CABCOCO1: variants seen among roughly 807,000 people sequenced by gnomAD.
CABCOCO1 encodes the protein ciliary associated calcium binding coiled-coil 1, also known as ciliary-associated calcium-binding coiled-coil protein 1.
A neutral mutation model predicts 35.7 loss-of-function variants in CABCOCO1; 28 were observed. The observed-to-expected ratio is 0.78, with a 90% CI of 0.58 to 1.07. CABCOCO1 has a LOEUF of 1.07. CABCOCO1 is among the 50% of genes least tolerant of loss of function. The probability of loss-of-function intolerance (pLI) is 0.00; values close to 1 mark genes in which losing one functional copy is unlikely to be tolerated. For missense variants in CABCOCO1, 326 were observed against 309.2 expected, an observed-to-expected ratio of 1.05 and a Z score of -0.41; for synonymous variants, 95 against 100.1, an observed-to-expected ratio of 0.95 and a Z score of 0.30.
intron 5 of CABCOCO1, among the ~76,000 whole-genome samples, chr10:61,716,880 T>C (rs982567440): frequency 1.5e-5 from 2 of 129,244 alleles, no homozygotes; most frequent in Non-Finnish European, 3.7e-5. Flanking sequence ...ATTTCTGAGA[T>C]TGTTTGGCTT....
chr10:61,752,163 A>G (rs1808589739), intron 5 of CABCOCO1, among the ~76,000 whole-genome samples: 1 of 152,206 alleles, frequency 6.6e-6, no homozygotes, highest in African/African-American at 2.4e-5. Flanking sequence ...AAATAATGAC[A>G]TCTGCCATAT....
chr10:61,680,302 C>A lies in CABCOCO1; in HGVS notation c.165-841C>A, dbSNP rs1839670286. Among the ~76,000 whole-genome samples, 7 of 138,566 alleles carry A rather than the reference C, an allele frequency of 5.1e-5. No homozygotes were observed. The South Asian group carries it at 1.6e-3, about 31-fold the overall frequency. 90.9% of individuals were successfully genotyped at this position (138,566 alleles called of 152,430 possible). On this transcript the variant is annotated intron_variant, in intron 2 of 7. Transcript: ENST00000648843. ...ACTCAGCCTGGCCGATGAAGCAAGG[C>A]CCTGTCTCAAAAAAAATATATATAT...
At chr10:61,753,763 T>C (rs879591348) in intron 5 of CABCOCO1, among the ~76,000 whole-genome samples, 7 of 152,164 alleles carry the variant, frequency 4.6e-5, no homozygotes, top group Non-Finnish European at 8.8e-5. Context: ...CATATCTACC[T>C]CATTATGTCA....
chr10:61,739,829 C>T (rs1047711969), intron 5 of CABCOCO1, among the ~76,000 whole-genome samples: 4 of 152,128 alleles, frequency 2.6e-5, no homozygotes, highest in African/African-American at 9.7e-5. Context: ...GTAGTCCCAG[C>T]TACACGGGAG....
intron 2 of CABCOCO1, among the ~76,000 whole-genome samples, chr10:61,675,915 T>C (rs1375605698): frequency 6.6e-6 from 1 of 152,180 alleles, no homozygotes; most frequent in Non-Finnish European, 1.5e-5. Context: ...AGTTAGAATA[T>C]ACATTCAACA....
At chr10:61,704,425 G>T (rs751899068) in intron 5 of CABCOCO1, among the ~76,000 whole-genome samples, 19 of 152,156 alleles carry the variant, frequency 1.2e-4, no homozygotes, top group Non-Finnish European at 2.4e-4. Context: ...TTGCACTGGT[G>T]ATGCTGGTTG....
At chr10:61,723,354 A>G (rs565551335) in intron 5 of CABCOCO1, among the ~76,000 whole-genome samples, 16 of 152,368 alleles carry the variant, frequency 1.1e-4, no homozygotes, top group Non-Finnish European at 2.2e-4. Flanking sequence ...TATAGTATAC[A>G]TTCCCCAAAT....
chr10:61,700,976 T>C (rs1840442875), intron 5 of CABCOCO1, among the ~76,000 whole-genome samples: 1 of 130,122 alleles, frequency 7.7e-6, no homozygotes, highest in South Asian at 2.5e-4. Context: ...TGTATACATA[T>C]ACATACACAG....
chr10:61,700,943 A>G (rs1181124360), intron 5 of CABCOCO1, among the ~76,000 whole-genome samples: 3 of 63,536 alleles, frequency 4.7e-5, no homozygotes, highest in Non-Finnish European at 8.8e-5. Flanking sequence ...ATACATATAC[A>G]TACATGTATA....
At chr10:61,695,072 C>G (rs1183507868) in intron 5 of CABCOCO1, among the ~76,000 whole-genome samples, 1 of 151,880 alleles carries the variant, frequency 6.6e-6, no homozygotes, top group African/African-American at 2.4e-5. Context: ...AAATAGACCA[C>G]AAGTGCTCCA....
rs751345566 is a variant in CABCOCO1 at position 61,760,117 on chromosome 10, G to C, written c.611G>C (p.Gly204Ala). The change falls in exon 6 of 8, where the codon GGA (glycine) becomes GCA (alanine). Residue 204 changes from glycine to alanine, a missense_variant. Transcript: ENST00000648843. ...CGPFPNPLEE[G>A]ISFDIYSTFI... ...CCTTTCCCAAATCCTCTGGAAGAAG[G>C]AATCTCATTTGATATTTATTCAACA... 3.1e-6 allele frequency: 5 copies of C among 1,612,248 alleles called. No individual in the cohort carries two copies. Among genetic ancestry groups the C allele is most frequent in the Non-Finnish European group, 4.2e-6 (5 of 1,178,696 alleles).
chr10:61,693,635 A>G (rs994807926), intron 5 of CABCOCO1, among the ~76,000 whole-genome samples: 2 of 152,076 alleles, frequency 1.3e-5, no homozygotes, highest in African/African-American at 4.8e-5. Context: ...CAAAAAGAAA[A>G]CCAGACATCA....
At chr10:61,692,148 A>C (rs1231678508) in intron 5 of CABCOCO1, among the ~76,000 whole-genome samples, 1 of 152,210 alleles carries the variant, frequency 6.6e-6, no homozygotes, top group African/African-American at 2.4e-5. Flanking sequence ...CATCCTCTCC[A>C]GCATCTGTTG....
intron 5 of CABCOCO1, among the ~76,000 whole-genome samples, chr10:61,714,107 T>C (rs1052456664): frequency 2.6e-5 from 4 of 152,096 alleles, no homozygotes. Flanking sequence ...CTTAGTACCT[T>C]TGGTAGAATT....
chr10:61,680,644 A>ACATGTTATACATGTATT lies in CABCOCO1; in HGVS notation c.165-499_165-498insCATGTTATACATGTATT, dbSNP rs1564532566. ...TAACATATACATGTTATACATATATAATATATATTATGTTATACATGTATA... is the reference window on the plus strand; with the variant it reads ...TAACATATACATGTTATACATATATACATGTTATACATGTATTATATATATTATGTTATACATGTATA... On this transcript the variant is annotated intron_variant, in intron 2 of 7. Transcript: ENST00000648843. Among the ~76,000 whole-genome samples the ACATGTTATACATGTATT allele has an allele frequency of 3.1e-4, 29 of 92,126 alleles. 2 individuals carry two copies. The highest frequency in any genetic ancestry group is 5.9e-4 in the Non-Finnish European group (28 of 47,402). 60.4% of individuals were successfully genotyped at this position (92,126 alleles called of 152,430 possible).
intron 5 of CABCOCO1, among the ~76,000 whole-genome samples, chr10:61,747,411 C>T (rs914785058): frequency 4.6e-5 from 7 of 152,138 alleles, no homozygotes; most frequent in Non-Finnish European, 1.0e-4. Context: ...ACATACCTTG[C>T]ATACCAGATC....
chr10:61,696,850 A>G (rs948542402), intron 5 of CABCOCO1, among the ~76,000 whole-genome samples: 4 of 152,104 alleles, frequency 2.6e-5, no homozygotes, highest in Non-Finnish European at 5.9e-5. Flanking sequence ...AAAATAAGAA[A>G]AAGGCAAACA....
At chr10:61,724,641 C>T (rs1430717620) in intron 5 of CABCOCO1, among the ~76,000 whole-genome samples, 15 of 152,116 alleles carry the variant, frequency 9.9e-5, no homozygotes, top group African/African-American at 3.6e-4. Context: ...GAAAATGTCT[C>T]ATCAGCCACA....
intron 5 of CABCOCO1, among the ~76,000 whole-genome samples, chr10:61,733,537 C>T (rs1219995949): frequency 1.3e-5 from 2 of 152,014 alleles, no homozygotes; most frequent in Admixed American, 1.3e-4. Flanking sequence ...CTATAGTGCC[C>T]TCCTGTGGAG....
Sources: gnomAD v4.1 joint callset for allele counts (sites outside exome capture counted in the v4.1 genomes callset) on GRCh38, gnomAD v4.1.1 for gene constraint, MANE v1.5 for transcripts, NCBI Gene and HGNC (gene_info 2026-07-23, HGNC 2026-07-21) for gene names.